PER3: variants seen among roughly 807,000 people sequenced by gnomAD.
The protein encoded by PER3 is period circadian protein homolog 3.
PER3 carries 107 observed loss-of-function variants against 127.2 expected under a neutral mutation model. The observed-to-expected ratio is 0.84, with a 90% CI of 0.72 to 0.99. PER3 has a LOEUF of 0.99. Ranked by LOEUF, PER3 falls within the 50% of genes least tolerant of loss-of-function variation. PER3 has a pLI of 0.00. For synonymous variants in PER3, 618 were observed against 585.8 expected, an observed-to-expected ratio of 1.05 and a Z score of -0.79; for missense variants, 1,560 against 1,525.8, an observed-to-expected ratio of 1.02 and a Z score of -0.37.
intron 12 of PER3, chr1:7,810,230 T>TA: frequency 1.6e-6 from 1 of 636,276 alleles, no homozygotes; most frequent in African/African-American, 1.8e-5. Flanking sequence ...GTATGCGTTC[T>TA]AAAAATTAGC....
chr1:7,791,837 C>T (rs2097123008), intron 5 of PER3, among the ~76,000 whole-genome samples: 1 of 152,182 alleles, frequency 6.6e-6, no homozygotes, highest in African/African-American at 2.4e-5. Context: ...ACTCCAGTCC[C>T]AACAAGTTCC....
At chr1:7,790,619 C>T (rs1473360049) in intron 5 of PER3, among the ~76,000 whole-genome samples, 3 of 152,196 alleles carry the variant, frequency 2.0e-5, no homozygotes, top group African/African-American at 7.2e-5. Flanking sequence ...AACAGTCCCC[C>T]AAAGTCTTAG....
chr1:7,829,217 C>T (rs886306756), intron 18 of PER3, among the ~76,000 whole-genome samples: 3 of 152,126 alleles, frequency 2.0e-5, no homozygotes, highest in African/African-American at 7.2e-5. Context: ...TTTTCCTAAA[C>T]ATACTATACA....
intron 16 of PER3, among the ~76,000 whole-genome samples, chr1:7,822,947 T>A (rs1250100680): frequency 6.6e-6 from 1 of 152,158 alleles, no homozygotes; most frequent in Non-Finnish European, 1.5e-5. Context: ...TAGTCCCAGC[T>A]ACTTGGGAGG....
intron 21 of PER3, among the ~76,000 whole-genome samples, chr1:7,838,636 G>A (rs2097369288): frequency 6.6e-6 from 1 of 152,128 alleles, no homozygotes; most frequent in South Asian, 2.1e-4. Context: ...CTGACCTCAA[G>A]TAATCTGCCC....
chr1:7,784,767 C>A lies in PER3; in HGVS notation c.-111C>A. The A allele has an allele frequency of 8.4e-7, 1 of 1,188,328 alleles. No individual in the cohort carries two copies. Among genetic ancestry groups the A allele is most frequent in the Non-Finnish European group, 1.1e-6 (1 of 908,944 alleles). 73.6% of individuals were successfully genotyped at this position (1,188,328 alleles called of 1,614,324 possible). On this transcript the variant is annotated 5_prime_UTR_variant, in exon 2 of 22. Coordinates refer to ENST00000377532, the MANE Select transcript of PER3 (RefSeq NM_001377275.1). The stretch of plus-strand genomic sequence containing the variant: ...TGGTGGCCGCCTGTTCTCACTAACG[C>A]CATGGCGGGGACCGGAGTGAGAAAC...
chr1:7,824,184 A>C (rs1024273421), intron 16 of PER3, among the ~76,000 whole-genome samples: 1 of 152,252 alleles, frequency 6.6e-6, no homozygotes, highest in African/African-American at 2.4e-5. Flanking sequence ...GAAATGTCTC[A>C]AATCAATGAT....
chr1:7,804,627 C>T (rs2097185228), intron 10 of PER3, among the ~76,000 whole-genome samples: 1 of 152,028 alleles, frequency 6.6e-6, no homozygotes, highest in African/African-American at 2.4e-5. Context: ...TCTCAAACTC[C>T]TGTACTCAAG....
In PER3 at chr1:7,806,600, C is replaced by A. The variant is rs369295649; in HGVS notation, c.1137-2293C>A. ...GCCAGGAGTTCAAGACTGGCCTGGG[C>A]AAGATAGTGAGACCCCTTCTCTACA... On this transcript the variant is annotated intron_variant, in intron 10 of 21. Coordinates refer to ENST00000377532, the MANE Select transcript of PER3 (RefSeq NM_001377275.1). Among the ~76,000 whole-genome samples the A allele has an allele frequency of 2.6e-5, 4 of 151,668 alleles. No homozygotes were observed. The East Asian group carries it at 5.8e-4, about 22-fold the overall frequency.
At chr1:7,810,095 ATC>A in intron 12 of PER3, 74 bp downstream of exon 12, 1 of 1,357,166 alleles carries the variant, frequency 7.4e-7, no homozygotes, top group Non-Finnish European at 1.0e-6. Context: ...ATGTGGTGAC[ATC>A]TTAGTATATA....
At chr1:7,811,524 C>T (rs74334218) in intron 13 of PER3, 3,387 of 152,376 alleles carry the variant, frequency 0.022, 255 homozygotes, top group Admixed American at 0.15. Context: ...ATCAGGGCAC[C>T]GGCAGGTTCA....
At chr1:7,807,115 AG>A (rs1485261550) in intron 10 of PER3, among the ~76,000 whole-genome samples, 13 of 152,144 alleles carry the variant, frequency 8.5e-5, no homozygotes, top group African/African-American at 2.4e-4. Context: ...AAGATCCAGG[AG>A]TGAACAAAGT....
chr1:7,832,330 A>G (rs911313179), intron 19 of PER3, among the ~76,000 whole-genome samples: 3 of 100,562 alleles, frequency 3.0e-5, no homozygotes, highest in African/African-American at 1.1e-4. Flanking sequence ...TTTTTTTCCT[A>G]TTGTTTTTTG....
chr1:7,786,887 G>T (rs759470450), intron 4 of PER3, 51 bp downstream of exon 4: 1 of 998,326 alleles, frequency 1.0e-6, no homozygotes, highest in Non-Finnish European at 1.6e-6. Flanking sequence ...TTTCCTAAGG[G>T]CCTGCTCTAG....
chr1:7,786,924 C>G, intron 4 of PER3, 88 bp downstream of exon 4: 1 of 760,384 alleles, frequency 1.3e-6, no homozygotes, highest in Non-Finnish European at 2.3e-6. Flanking sequence ...AGGATAACAA[C>G]GTTTCAGCAA....
At chr1:7,799,109 A>G (rs759982954) in intron 7 of PER3, among the ~76,000 whole-genome samples, 2 of 152,242 alleles carry the variant, frequency 1.3e-5, no homozygotes, top group Non-Finnish European at 2.9e-5. Flanking sequence ...ATATTTCTAA[A>G]TGCATATATC....
chr1:7,798,922 C>T (rs1026082453), intron 7 of PER3, among the ~76,000 whole-genome samples: 6 of 152,114 alleles, frequency 3.9e-5, no homozygotes, highest in African/African-American at 4.8e-5. Flanking sequence ...GTGACAGATA[C>T]GGTTTTCTAG....
intron 7 of PER3, 25 bp from the exon 8 acceptor site, chr1:7,801,088 T>C (rs774455104): frequency 2.2e-6 from 3 of 1,379,874 alleles, no homozygotes; most frequent in Non-Finnish European, 3.0e-6. Flanking sequence ...TGCCTTTAAA[T>C]GGGTCTTTGT....
chr1:7,818,928 G>C (rs2097263573), intron 13 of PER3, among the ~76,000 whole-genome samples: 1 of 152,210 alleles, frequency 6.6e-6, no homozygotes, highest in Non-Finnish European at 1.5e-5. Context: ...TGATTGCCAG[G>C]GTTGATCAGT....
Sources: gnomAD v4.1 joint callset for allele counts (sites outside exome capture counted in the v4.1 genomes callset) on GRCh38, gnomAD v4.1.1 for gene constraint, MANE v1.5 for transcripts, NCBI Gene and HGNC (gene_info 2026-07-23, HGNC 2026-07-21) for gene names.